MTHFD1: variants seen among roughly 807,000 people sequenced by gnomAD.
MTHFD1 encodes the protein methylenetetrahydrofolate dehydrogenase, cyclohydrolase and formyltetrahydrofolate synthetase 1, also known as C-1-tetrahydrofolate synthase, cytoplasmic.
MTHFD1 carries 44 observed loss-of-function variants against 110.3 expected under a neutral mutation model. The observed-to-expected ratio is 0.40, with a 90% CI of 0.31 to 0.51. The LOEUF (loss-of-function observed/expected upper bound fraction) is 0.51, where lower values mean the gene tolerates loss of function less well. MTHFD1 is among the 20% of genes least tolerant of loss of function. The pLI is 0.60. For synonymous variants in MTHFD1, 402 were observed against 428.8 expected, an observed-to-expected ratio of 0.94 and a Z score of 0.77; for missense variants, 909 against 1,173.1, an observed-to-expected ratio of 0.77 and a Z score of 3.29.
chr14:64,431,693 C>T (rs2078161717), intron 14 of MTHFD1, 54 bp downstream of exon 14: 2 of 1,597,866 alleles, frequency 1.3e-6, no homozygotes, highest in Non-Finnish European at 1.7e-6. Context: ...AGTATTGAAC[C>T]ATCTGAATTA....
At position 64,458,198 on chromosome 14, in the gene MTHFD1, C is replaced by CT; in HGVS notation, c.2719-10dup. On this transcript the variant is annotated splice_polypyrimidine_tract_variant and intron_variant, in intron 26 of 27. Transcript: ENST00000652337. ...GCCCAGCATTAGTTTATTTGTAATG[C>CT]TTTTTTACATCCTAGATGAGCACAA... 6.3e-7 allele frequency: 1 copy of CT among 1,579,958 alleles called. No individual in the cohort carries two copies. Among genetic ancestry groups the CT allele is most frequent in the Non-Finnish European group, 8.7e-7 (1 of 1,148,826 alleles).
rs1274508446 is a variant in MTHFD1 at position 64,418,028 on chromosome 14, G to C, written c.615+4G>C. On this transcript the variant is annotated splice_donor_region_variant and intron_variant, in intron 7 of 27. Coordinates refer to ENST00000652337, the MANE Select transcript of MTHFD1 (RefSeq NM_005956.4). ...GACTGCCCATCTGGATGAGGAGGTA[G>C]GGTGTCCAGAGGAGAGGTAAAGGTG... is the stretch of plus-strand genomic sequence containing the variant. 4 of 1,614,080 alleles carry C rather than the reference G, an allele frequency of 2.5e-6. No individual in the cohort carries two copies. Among genetic ancestry groups the C allele is most frequent in the African/African-American group, 1.3e-5 (1 of 74,924 alleles).
intron 15 of MTHFD1, among the ~76,000 whole-genome samples, chr14:64,435,294 T>G (rs541201545): frequency 2.0e-5 from 3 of 152,212 alleles, no homozygotes; most frequent in African/African-American, 4.8e-5. Flanking sequence ...AAATCTTCCC[T>G]TCCCTCACTA....
intron 8 of MTHFD1, chr14:64,422,927 T>C (rs1338365043): frequency 1.3e-5 from 2 of 152,152 alleles, no homozygotes; most frequent in African/African-American, 2.4e-5. Context: ...GGAGCAAAAC[T>C]GAACTCACCA....
At chr14:64,431,054 T>G (rs2078154812) in intron 13 of MTHFD1, among the ~76,000 whole-genome samples, 1 of 148,058 alleles carries the variant, frequency 6.8e-6, no homozygotes, top group Non-Finnish European at 1.5e-5. Flanking sequence ...GTCTTTTATG[T>G]TTTCTTTTTC....
intron 4 of MTHFD1, among the ~76,000 whole-genome samples, chr14:64,414,376 C>T (rs2078008817): frequency 6.9e-6 from 1 of 143,968 alleles, no homozygotes; most frequent in Non-Finnish European, 1.5e-5. Flanking sequence ...ACTGCAGCCT[C>T]CGCTTCCTGG....
At chr14:64,458,151 G>T in intron 26 of MTHFD1, 63 bp from the exon 27 acceptor site, 1 of 1,306,090 alleles carries the variant, frequency 7.7e-7, no homozygotes, top group Non-Finnish European at 1.1e-6. Flanking sequence ...CTCAGCCTGG[G>T]ATTATAGGCG....
At chr14:64,396,322 G>A (rs1000733705) in intron 1 of MTHFD1, among the ~76,000 whole-genome samples, 2 of 151,532 alleles carry the variant, frequency 1.3e-5, no homozygotes, top group African/African-American at 4.9e-5. Context: ...TGGAACACTA[G>A]GTGGCCTTAC....
chr14:64,397,806 GTTATA>G (rs1432392668), intron 1 of MTHFD1, among the ~76,000 whole-genome samples: 3 of 152,054 alleles, frequency 2.0e-5, no homozygotes, highest in African/African-American at 7.2e-5. Context: ...AAATGTCCAT[GTTATA>G]TTTTATTTTA....
At chr14:64,445,352 C>T (rs1372908229) in intron 22 of MTHFD1, among the ~76,000 whole-genome samples, 1 of 152,088 alleles carries the variant, frequency 6.6e-6, no homozygotes, top group Non-Finnish European at 1.5e-5. Flanking sequence ...TTTTTCTAGA[C>T]AAAGCTTCCT....
At chr14:64,425,529 T>C (rs1374336935) in intron 9 of MTHFD1, among the ~76,000 whole-genome samples, 1 of 152,120 alleles carries the variant, frequency 6.6e-6, no homozygotes, top group East Asian at 1.9e-4. Context: ...CTTTCTAACA[T>C]GCACCAGCTG....
chr14:64,444,060 C>G (rs957886976), intron 21 of MTHFD1, among the ~76,000 whole-genome samples: 1 of 146,932 alleles, frequency 6.8e-6, no homozygotes, highest in African/African-American at 2.5e-5. Context: ...CCCATTTGCT[C>G]ATTTCTGTGG....
chr14:64,441,609 A>C (rs2078248931), intron 19 of MTHFD1, 156 bp downstream of exon 19: 1 of 677,398 alleles, frequency 1.5e-6, no homozygotes, highest in Admixed American at 2.1e-5. Context: ...GATCGAGACC[A>C]TCCTGGCTAA....
intron 2 of MTHFD1, among the ~76,000 whole-genome samples, chr14:64,408,285 C>CTTTTTTTT (rs1555336630): frequency 4.1e-5 from 5 of 121,206 alleles, no homozygotes; most frequent in South Asian, 2.5e-4. Flanking sequence ...AATCAGCATT[C>CTTTTTTTT]TTTTTTTTTT....
At chr14:64,428,183 G>T (rs527861619) in intron 12 of MTHFD1, among the ~76,000 whole-genome samples, 1 of 144,216 alleles carries the variant, frequency 6.9e-6, no homozygotes, top group African/African-American at 2.6e-5. Flanking sequence ...GTGTGATCTC[G>T]GCTCATTGCA....
chr14:64,459,181 C>G (rs2078523321), intron 27 of MTHFD1, among the ~76,000 whole-genome samples: 1 of 152,178 alleles, frequency 6.6e-6, no homozygotes, highest in African/African-American at 2.4e-5. Flanking sequence ...CCCCACATCT[C>G]TTCCTAAGAA....
intron 9 of MTHFD1, 100 bp from the exon 10 acceptor site, chr14:64,425,630 G>T (rs1291044667): frequency 4.1e-6 from 4 of 982,190 alleles, no homozygotes; most frequent in African/African-American, 1.6e-5. Context: ...GTCTGAAGCA[G>T]TTCATTTTGT....
chr14:64,448,668 T>C, intron 23 of MTHFD1: 1 of 303,366 alleles, frequency 3.3e-6, no homozygotes. Context: ...GGTGGGATGT[T>C]GTCTTGACAA....
chr14:64,441,775 A>G, intron 19 of MTHFD1: 1 of 559,200 alleles, frequency 1.8e-6, no homozygotes, highest in Non-Finnish European at 3.2e-6. Context: ...TGCACTCCAG[A>G]CTGGGCGACA....
Sources: gnomAD v4.1 joint callset for allele counts (sites outside exome capture counted in the v4.1 genomes callset) on GRCh38, gnomAD v4.1.1 for gene constraint, MANE v1.5 for transcripts, NCBI Gene and HGNC (gene_info 2026-07-23, HGNC 2026-07-21) for gene names.